Variants in CHMP4C observed in about 807,000 individuals in gnomAD.
CHMP4C encodes the protein SNF7 homolog associated with Alix 3.
CHMP4C carries 28 observed loss-of-function variants against 29.0 expected under a neutral mutation model. That is an observed-to-expected ratio of 0.97 (90% CI 0.72 to 1.32). The LOEUF is 1.32. CHMP4C is among the 40% of genes most tolerant of loss of function. The pLI is 0.00. For missense variants in CHMP4C, 291 were observed against 281.0 expected (o/e 1.04, Z -0.25); for synonymous variants, 106 against 102.4 (o/e 1.04, Z -0.21).
Position 81,732,574 on chromosome 8 carries a change from C to T in CHMP4C, c.-53C>T, listed in dbSNP as rs979590089. ...CTCACCTGTCCCCTCGGCGCGGCCCCGGGGAGCTCCCGAGAGGCCCCCGGG... is the reference window on the plus strand; with the variant it reads ...CTCACCTGTCCCCTCGGCGCGGCCCTGGGGAGCTCCCGAGAGGCCCCCGGG... On this transcript the variant is annotated 5_prime_UTR_variant, in exon 1 of 5. Transcript: ENST00000297265. The T allele has an allele frequency of 2.1e-6, 3 of 1,421,466 alleles. No individual in the cohort carries two copies. The highest frequency in any genetic ancestry group is 1.4e-5 in the African/African-American group (1 of 69,412). 88.1% of individuals were successfully genotyped at this position (1,421,466 alleles called of 1,614,324 possible).
At chr8:81,737,378 A>G (rs947787977) in intron 1 of CHMP4C, among the ~76,000 whole-genome samples, 1 of 152,140 alleles carries the variant, frequency 6.6e-6, no homozygotes, top group Admixed American at 6.6e-5. Context: ...AGATGGAAAA[A>G]CAAGATCTGT....
chr8:81,733,526 TAA>T (rs1200047063), intron 1 of CHMP4C, among the ~76,000 whole-genome samples: 3 of 144,400 alleles, frequency 2.1e-5, no homozygotes, highest in Non-Finnish European at 3.1e-5. Context: ...GTTGAAGTCT[TAA>T]AAAAAAAAAA....
At chr8:81,750,914 A>C (rs1224391792) in intron 1 of CHMP4C, among the ~76,000 whole-genome samples, 1 of 152,152 alleles carries the variant, frequency 6.6e-6, no homozygotes, top group Non-Finnish European at 1.5e-5. Flanking sequence ...ATACCAGTTA[A>C]ATTTCCTAAC....
At chr8:81,750,164 A>T (rs969128759) in intron 1 of CHMP4C, among the ~76,000 whole-genome samples, 3 of 152,240 alleles carry the variant, frequency 2.0e-5, no homozygotes, top group Non-Finnish European at 4.4e-5. Flanking sequence ...TGCCATTAAA[A>T]AATGAGCAAC....
chr8:81,736,891 C>T (rs1412825532), intron 1 of CHMP4C, among the ~76,000 whole-genome samples: 1 of 152,204 alleles, frequency 6.6e-6, no homozygotes, highest in Non-Finnish European at 1.5e-5. Flanking sequence ...ACTCATAGTA[C>T]AGGGGTAGCT....
intron 1 of CHMP4C, among the ~76,000 whole-genome samples, chr8:81,743,424 G>T (rs953637129): frequency 4.6e-5 from 7 of 151,514 alleles, no homozygotes; most frequent in African/African-American, 1.7e-4. Context: ...ACAATTTGTG[G>T]GGTTATTAAT....
intron 1 of CHMP4C, among the ~76,000 whole-genome samples, chr8:81,745,280 T>A (rs1301725645): frequency 5.9e-5 from 9 of 152,206 alleles, no homozygotes; most frequent in Non-Finnish European, 1.0e-4. Context: ...CTTTAAAGCC[T>A]CATCTTTTAG....
At chr8:81,756,008 G>A (rs1048087381) in intron 3 of CHMP4C, among the ~76,000 whole-genome samples, 1 of 152,152 alleles carries the variant, frequency 6.6e-6, no homozygotes, top group African/African-American at 2.4e-5. Flanking sequence ...TCTGCACTGT[G>A]AATTTCAATT....
chr8:81,759,298 T>C lies in CHMP4C; in HGVS notation c.*754T>C, dbSNP rs1809015342. On this transcript the variant is annotated 3_prime_UTR_variant, in exon 5 of 5. Coordinates refer to ENST00000297265, the MANE Select transcript of CHMP4C (RefSeq NM_152284.4). ...AACGTGTGAAAGCACTAACAGCTTA[T>C]ATTGCTGAATGAGAATCTCCTGGGT... is the stretch of plus-strand genomic sequence containing the variant. 6.6e-6 allele frequency: 1 copy of C among 152,596 alleles called. No individual in the cohort carries two copies. Among genetic ancestry groups the C allele is most frequent in the Admixed American group, 6.5e-5 (1 of 15,270 alleles). The allele number at this position is 152,596 out of a possible 1,614,324, so 9.5% of individuals were successfully genotyped here.
At chr8:81,749,622 G>A (rs1183259109) in intron 1 of CHMP4C, among the ~76,000 whole-genome samples, 4 of 152,174 alleles carry the variant, frequency 2.6e-5, no homozygotes, top group Admixed American at 6.5e-5. Flanking sequence ...CTAGACCTAC[G>A]TTTTAATTCT....
intron 1 of CHMP4C, among the ~76,000 whole-genome samples, chr8:81,733,213 AATGTG>A (rs1156872008): frequency 2.6e-5 from 4 of 152,148 alleles, no homozygotes; most frequent in African/African-American, 9.7e-5. Flanking sequence ...TATTTTTTAT[AATGTG>A]ATGATTTGTT....
At chr8:81,742,054 C>T (rs1808768463) in intron 1 of CHMP4C, among the ~76,000 whole-genome samples, 1 of 152,180 alleles carries the variant, frequency 6.6e-6, no homozygotes, top group South Asian at 2.1e-4. Context: ...ATTTAGGACC[C>T]TGTCCAAAGC....
rs1349719993 is a variant in CHMP4C at position 81,759,041 on chromosome 8, T to TG, written c.*504dup. The TG allele has an allele frequency of 8.1e-5, 4 of 49,160 alleles. No homozygotes were observed. Among genetic ancestry groups the TG allele is most frequent in the South Asian group, 7.7e-4 (1 of 1,298 alleles). 3.0% of individuals were successfully genotyped at this position (49,160 alleles called of 1,614,324 possible). On this transcript the variant is annotated 3_prime_UTR_variant, in exon 5 of 5. Coordinates refer to ENST00000297265, the MANE Select transcript of CHMP4C (RefSeq NM_152284.4). ...AAAATACATTTAGTATAGCGGGGGG[T>TG]GGGGGGGAGAAATAATGTTATTTCC...
chr8:81,740,699 A>C (rs370480274), intron 1 of CHMP4C, among the ~76,000 whole-genome samples: 2 of 152,192 alleles, frequency 1.3e-5, no homozygotes, highest in African/African-American at 4.8e-5. Flanking sequence ...CTTCTGAATA[A>C]TATTCCTAAA....
chr8:81,755,525 A>G (rs770651537), intron 3 of CHMP4C, 41 bp downstream of exon 3: 1 of 1,180,898 alleles, frequency 8.5e-7, no homozygotes, highest in Non-Finnish European at 1.3e-6. Flanking sequence ...TGTGGCTGCT[A>G]TAAAGAGTAG....
intron 1 of CHMP4C, among the ~76,000 whole-genome samples, chr8:81,751,377 A>C (rs1808901127): frequency 6.6e-6 from 1 of 152,098 alleles, no homozygotes; most frequent in Non-Finnish European, 1.5e-5. Flanking sequence ...AAAGTATAAT[A>C]AAAAAACTCT....
intron 1 of CHMP4C, among the ~76,000 whole-genome samples, chr8:81,735,281 C>T (rs762481663): frequency 6.6e-6 from 1 of 152,164 alleles, no homozygotes; most frequent in Non-Finnish European, 1.5e-5. Context: ...TCTAGAGTGA[C>T]TCTGGGAGTA....
Position 81,758,154 on chromosome 8 carries a change from G to A in CHMP4C, c.496G>A (p.Ala166Thr), listed in dbSNP as rs1585949280. Residue 166 changes from alanine (A) to threonine (T), a missense_variant, in exon 4 of 5, where the codon GCA becomes ACA. Transcript: ENST00000297265. ...GDDFDEDELM[A>T]ELEELEQEEL... ...CTCCTGTGTTCAGGATGAGTTGATG[G>A]CAGAACTTGAAGAATTGGAACAGGA... The A allele has an allele frequency of 6.2e-7, 1 of 1,613,804 alleles. No homozygotes were observed. The highest frequency in any genetic ancestry group is 2.2e-5 in the East Asian group (1 of 44,882).
chr8:81,742,606 C>T (rs1399850572), intron 1 of CHMP4C, among the ~76,000 whole-genome samples: 2 of 152,158 alleles, frequency 1.3e-5, no homozygotes, highest in African/African-American at 4.8e-5. Flanking sequence ...GCTACGTAGT[C>T]ATACTGGGTG....
Sources: allele counts gnomAD v4.1 joint callset (sites outside exome capture counted in the v4.1 genomes callset), GRCh38; gene constraint gnomAD v4.1.1; transcripts MANE v1.5; gene names NCBI Gene and HGNC (gene_info 2026-07-23, HGNC 2026-07-21).